Variants in GRIK2 observed in about 807,000 individuals in gnomAD.
GRIK2 encodes the protein glutamate ionotropic receptor kainate type subunit 2, also known as glutamate receptor ionotropic, kainate 2.
In GRIK2, 32 loss-of-function variants were observed where a neutral mutation model predicts 100.3. The ratio of observed to expected loss-of-function variants is 0.32; its 90% confidence interval spans 0.24 to 0.43. The LOEUF (loss-of-function observed/expected upper bound fraction) is 0.43. GRIK2 is among the 20% of genes least tolerant of loss of function. The pLI, the probability that GRIK2 is intolerant of heterozygous loss-of-function variation, is 1.00. For missense variants in GRIK2, 843 were observed against 1,114.9 expected (o/e 0.76, Z 3.47); for synonymous variants, 417 against 389.4 (o/e 1.07, Z -0.83).
At chr6:101,603,480 T>C (rs1325757319) in intron 2 of GRIK2, among the ~76,000 whole-genome samples, 1 of 151,682 alleles carries the variant, frequency 6.6e-6, no homozygotes, top group African/African-American at 2.4e-5. Flanking sequence ...AAGAGTTACC[T>C]AATTTTAAGA....
intron 14 of GRIK2, among the ~76,000 whole-genome samples, chr6:101,934,034 C>T (rs1277701688): frequency 2.0e-5 from 3 of 151,582 alleles, no homozygotes; most frequent in Non-Finnish European, 3.0e-5. Context: ...ACTTTTACAG[C>T]CTTCCTCTGC....
chr6:101,887,259 A>G (rs1207580966), intron 11 of GRIK2, among the ~76,000 whole-genome samples: 1 of 152,200 alleles, frequency 6.6e-6, no homozygotes, highest in Admixed American at 6.5e-5. Flanking sequence ...TAGTCATTTC[A>G]CAATGTATAT....
intron 2 of GRIK2, among the ~76,000 whole-genome samples, chr6:101,403,409 C>T (rs1005989669): frequency 4.6e-5 from 7 of 152,184 alleles, no homozygotes; most frequent in Admixed American, 4.6e-4. Flanking sequence ...CCCAGACGCG[C>T]TGGGGTCTCT....
At chr6:102,033,510 T>A (rs559952017) in intron 14 of GRIK2, among the ~76,000 whole-genome samples, 3 of 151,268 alleles carry the variant, frequency 2.0e-5, no homozygotes, top group Non-Finnish European at 4.4e-5. Flanking sequence ...TAAATTCTAC[T>A]TTTTTTAAAC....
At chr6:101,710,689 A>G (rs899374408) in intron 7 of GRIK2, among the ~76,000 whole-genome samples, 9 of 151,800 alleles carry the variant, frequency 5.9e-5, no homozygotes, top group Non-Finnish European at 1.0e-4. Context: ...CACTGTTTCA[A>G]TCCTACAGTT....
chr6:101,552,606 G>T (rs577235063), intron 2 of GRIK2, among the ~76,000 whole-genome samples: 1 of 152,194 alleles, frequency 6.6e-6, no homozygotes, highest in African/African-American at 2.4e-5. Context: ...TATATGGGTG[G>T]GAAATATCAG....
chr6:101,399,428 C>T, intron 2 of GRIK2, 36 bp downstream of exon 2: 1 of 1,022,482 alleles, frequency 9.8e-7, no homozygotes, highest in Non-Finnish European at 1.6e-6. Context: ...GCCTGGTATC[C>T]GCTCCCAGGC....
At chr6:101,695,984 A>G (rs1290760069) in intron 7 of GRIK2, among the ~76,000 whole-genome samples, 1 of 152,054 alleles carries the variant, frequency 6.6e-6, no homozygotes, top group Non-Finnish European at 1.5e-5. Flanking sequence ...GCAACATCAT[A>G]AAATAAAAAA....
chr6:101,821,505 A>G (rs1583210668), intron 10 of GRIK2, among the ~76,000 whole-genome samples: 1 of 152,278 alleles, frequency 6.6e-6, no homozygotes, highest in South Asian at 2.1e-4. Flanking sequence ...TATGAATAAG[A>G]TGTAAGATCA....
intron 14 of GRIK2, among the ~76,000 whole-genome samples, chr6:101,956,357 G>A (rs1791936370): frequency 1.3e-5 from 2 of 152,072 alleles, no homozygotes; most frequent in African/African-American, 4.8e-5. Flanking sequence ...ACAATATTAT[G>A]TCTTTTGATC....
chr6:101,783,261 T>A (rs1009646836), intron 7 of GRIK2, among the ~76,000 whole-genome samples: 2 of 151,844 alleles, frequency 1.3e-5, no homozygotes, highest in Non-Finnish European at 2.9e-5. Flanking sequence ...CTCATGATAG[T>A]GAGGGAGTTC....
chr6:101,975,480 G>A (rs1793306808), intron 14 of GRIK2, among the ~76,000 whole-genome samples: 1 of 152,094 alleles, frequency 6.6e-6, no homozygotes, highest in Admixed American at 6.6e-5. Context: ...TGTAAGAAAA[G>A]TGTTGTGATC....
At chr6:102,029,217 G>A (rs767396188) in intron 14 of GRIK2, among the ~76,000 whole-genome samples, 31 of 151,068 alleles carry the variant, frequency 2.1e-4, no homozygotes, top group Non-Finnish European at 4.2e-4. Context: ...TAGTCCTTAT[G>A]TTTGATTTTA....
chr6:101,424,052 T>G (rs961096035), intron 2 of GRIK2, among the ~76,000 whole-genome samples: 4 of 152,176 alleles, frequency 2.6e-5, no homozygotes, highest in Non-Finnish European at 5.9e-5. Context: ...GGAAAATATA[T>G]GTATTTGGGG....
At chr6:101,573,061 G>T (rs1295441658) in intron 2 of GRIK2, among the ~76,000 whole-genome samples, 1 of 151,778 alleles carries the variant, frequency 6.6e-6, no homozygotes, top group Non-Finnish European at 1.5e-5. Flanking sequence ...GGCCAGGCCG[G>T]TCTCAAACTC....
intron 14 of GRIK2, among the ~76,000 whole-genome samples, chr6:102,003,978 T>A (rs1413766645): frequency 6.6e-6 from 1 of 151,512 alleles, no homozygotes; most frequent in East Asian, 1.9e-4. Flanking sequence ...TTTTTCTCTC[T>A]TATTAATTCC....
intron 4 of GRIK2, among the ~76,000 whole-genome samples, chr6:101,659,397 T>C (rs531749002): frequency 6.6e-6 from 1 of 152,234 alleles, no homozygotes; most frequent in Non-Finnish European, 1.5e-5. Context: ...AGTACCGTGC[T>C]CTTTTGGTTA....
At chr6:101,621,124 G>A (rs900719217) in intron 2 of GRIK2, among the ~76,000 whole-genome samples, 22 of 152,162 alleles carry the variant, frequency 1.4e-4, no homozygotes, top group Non-Finnish European at 1.9e-4. Flanking sequence ...CTCTTTTCTC[G>A]CAAGTAAGAT....
In GRIK2 at chr6:101,660,058, A is replaced by C. The variant is rs73625540; in HGVS notation, c.542-16565A>C. 1.2e-3 allele frequency among the ~76,000 whole-genome samples: 176 copies of C among 152,210 alleles called. 1 individual carries two copies. Among genetic ancestry groups the C allele is most frequent in the African/African-American group, 4.1e-3 (171 of 41,548 alleles). On this transcript the variant is annotated intron_variant, in intron 4 of 16. Coordinates refer to ENST00000369134, the MANE Select transcript of GRIK2 (RefSeq NM_021956.5). ...GGAAGTTCTCCTTGATAATATCCTGAAGAATATTTTCCAACTTGGTTCCAT... is the reference window on the plus strand; with the variant it reads ...GGAAGTTCTCCTTGATAATATCCTGCAGAATATTTTCCAACTTGGTTCCAT...
Sources: gnomAD v4.1 joint callset for allele counts (sites outside exome capture counted in the v4.1 genomes callset) on GRCh38, gnomAD v4.1.1 for gene constraint, MANE v1.5 for transcripts, NCBI Gene and HGNC (gene_info 2026-07-23, HGNC 2026-07-21) for gene names.